Variants in TAFA4 observed in about 807,000 individuals in gnomAD.
TAFA4 encodes TAFA chemokine like family member 4, also known as chemokine-like protein TAFA-4.
Under a neutral mutation model 21.1 loss-of-function variants are expected in TAFA4, and 20 were observed. The ratio of observed to expected loss-of-function variants is 0.95; its 90% CI spans 0.67 to 1.38. The LOEUF is 1.38. TAFA4 is among the 40% of genes most tolerant of loss of function. TAFA4 has a pLI of 0.00. For synonymous variants in TAFA4, 71 were observed against 67.4 expected, an observed-to-expected ratio of 1.05 and a Z score of -0.26; for missense variants, 211 against 180.9, an observed-to-expected ratio of 1.17 and a Z score of -0.95.
chr3:68,793,791 G>A (rs1379529541), intron 3 of TAFA4, among the ~76,000 whole-genome samples: 3 of 152,198 alleles, frequency 2.0e-5, no homozygotes, highest in Non-Finnish European at 4.4e-5. Flanking sequence ...TGTAGGTGCA[G>A]AAAGAGGAAT....
intron 1 of TAFA4, among the ~76,000 whole-genome samples, chr3:68,895,241 G>A (rs537711722): frequency 1.3e-5 from 2 of 151,938 alleles, no homozygotes; most frequent in African/African-American, 2.4e-5. Context: ...CAGGTGATCC[G>A]CCTGCCTCAG....
intron 2 of TAFA4, among the ~76,000 whole-genome samples, chr3:68,881,125 G>C (rs565494644): frequency 5.0e-4 from 76 of 152,302 alleles, no homozygotes; most frequent in Non-Finnish European, 5.4e-4. Context: ...TACCCTAATA[G>C]AGCATGGGGA....
chr3:68,894,458 T>A (rs887617721), intron 1 of TAFA4, among the ~76,000 whole-genome samples: 2 of 152,196 alleles, frequency 1.3e-5, no homozygotes, highest in Non-Finnish European at 2.9e-5. Context: ...GCCATGTTAC[T>A]TCTATAACAC....
intron 1 of TAFA4, among the ~76,000 whole-genome samples, chr3:68,892,338 A>G (rs1335766214): frequency 3.3e-5 from 5 of 152,208 alleles, no homozygotes; most frequent in Non-Finnish European, 7.3e-5. Flanking sequence ...TGTCTATTAA[A>G]TATTAAAGAA....
chr3:68,893,493 C>T (rs2089754060), intron 1 of TAFA4, among the ~76,000 whole-genome samples: 1 of 152,272 alleles, frequency 6.6e-6, no homozygotes, highest in East Asian at 1.9e-4. Flanking sequence ...CAGTTTCACT[C>T]CCAAATGAAT....
At chr3:68,897,342 T>G (rs1344479024) in intron 1 of TAFA4, among the ~76,000 whole-genome samples, 1 of 152,070 alleles carries the variant, frequency 6.6e-6, no homozygotes, top group Non-Finnish European at 1.5e-5. Context: ...TATCCTTATT[T>G]TTGGCCAGGT....
At chr3:68,861,034 C>T (rs563494615) in intron 3 of TAFA4, among the ~76,000 whole-genome samples, 2 of 126,854 alleles carry the variant, frequency 1.6e-5, no homozygotes, top group Non-Finnish European at 3.3e-5. Flanking sequence ...ATATGCACCC[C>T]CCCCCCGCCC....
intron 3 of TAFA4, among the ~76,000 whole-genome samples, chr3:68,762,426 G>T (rs1438668955): frequency 6.6e-6 from 1 of 152,184 alleles, no homozygotes; most frequent in Non-Finnish European, 1.5e-5. Context: ...TGCTATGGGG[G>T]AAAATCTCAT....
intron 3 of TAFA4, among the ~76,000 whole-genome samples, chr3:68,822,515 G>C (rs967307619): frequency 2.0e-5 from 3 of 152,000 alleles, no homozygotes; most frequent in Non-Finnish European, 4.4e-5. Context: ...TTGTCACCCA[G>C]GCTAAAGTGC....
intron 4 of TAFA4, among the ~76,000 whole-genome samples, chr3:68,745,593 T>A (rs1702442922): frequency 6.6e-6 from 1 of 152,222 alleles, no homozygotes; most frequent in Admixed American, 6.5e-5. Context: ...TATTCTATAA[T>A]GCTGTTGTCG....
chr3:68,819,119 A>C (rs1704053415), intron 3 of TAFA4, among the ~76,000 whole-genome samples: 1 of 152,146 alleles, frequency 6.6e-6, no homozygotes, highest in South Asian at 2.1e-4. Flanking sequence ...CAAAAACTGC[A>C]AAAATCAGCT....
In TAFA4 at chr3:68,745,553, C is replaced by T. The variant is rs1375383091; in HGVS notation, c.287-6354G>A. ...AGAAAAAAATAAAAAGACAGTGACG[C>T]CCTCCCTGGTTTTGTGGTAGCAACT... On this transcript the variant is annotated intron_variant, in intron 4 of 5. Coordinates refer to ENST00000295569, the MANE Select transcript of TAFA4 (RefSeq NM_182522.5). Among the ~76,000 whole-genome samples the T allele has an allele frequency of 5.3e-5, 8 of 152,292 alleles. No homozygotes were observed. In the East Asian group the frequency reaches 1.5e-3, roughly 29 times the overall value.
chr3:68,811,811 G>A (rs994859686), intron 3 of TAFA4, among the ~76,000 whole-genome samples: 1 of 152,084 alleles, frequency 6.6e-6, no homozygotes, highest in African/African-American at 2.4e-5. Context: ...TCAAATTCAG[G>A]AAATACAGAG....
At chr3:68,857,616 A>T (rs767195316) in intron 3 of TAFA4, among the ~76,000 whole-genome samples, 1 of 152,172 alleles carries the variant, frequency 6.6e-6, no homozygotes, top group Non-Finnish European at 1.5e-5. Context: ...GTAAATACAT[A>T]TACATATATT....
intron 3 of TAFA4, among the ~76,000 whole-genome samples, chr3:68,836,369 A>G (rs1704523669): frequency 1.3e-5 from 2 of 152,232 alleles, no homozygotes; most frequent in African/African-American, 4.8e-5. Flanking sequence ...TGAAACCACA[A>G]GTAACATTTA....
intron 4 of TAFA4, among the ~76,000 whole-genome samples, chr3:68,747,279 C>G (rs536020357): frequency 3.3e-5 from 5 of 152,052 alleles, no homozygotes; most frequent in African/African-American, 9.7e-5. Flanking sequence ...CACACTGATA[C>G]GGTTTGGCTC....
intron 1 of TAFA4, among the ~76,000 whole-genome samples, chr3:68,928,145 T>G (rs866177768): frequency 6.6e-6 from 1 of 152,192 alleles, no homozygotes; most frequent in Non-Finnish European, 1.5e-5. Flanking sequence ...CTGACAGCTT[T>G]TGAATTAAAA....
At chr3:68,836,493 C>G (rs1704525814) in intron 3 of TAFA4, among the ~76,000 whole-genome samples, 1 of 152,182 alleles carries the variant, frequency 6.6e-6, no homozygotes, top group Non-Finnish European at 1.5e-5. Context: ...TAAACTGTAT[C>G]ATTGGTTATA....
intron 5 of TAFA4, among the ~76,000 whole-genome samples, chr3:68,734,023 T>C (rs1702197527): frequency 6.6e-6 from 1 of 152,122 alleles, no homozygotes; most frequent in Non-Finnish European, 1.5e-5. Flanking sequence ...AAGGACTCAA[T>C]ATGGTAAATA....
Sources: allele counts gnomAD v4.1 joint callset (sites outside exome capture counted in the v4.1 genomes callset), GRCh38; gene constraint gnomAD v4.1.1; transcripts MANE v1.5; gene names NCBI Gene and HGNC (gene_info 2026-07-23, HGNC 2026-07-21).